Variants in TMTC1 observed in about 807,000 individuals in gnomAD.
TMTC1 encodes the protein transmembrane O-mannosyltransferase targeting cadherins 1, also known as protein O-mannosyl-transferase TMTC1.
Under a neutral mutation model 104.8 loss-of-function variants are expected in TMTC1, and 73 were observed. The ratio of observed to expected loss-of-function variants is 0.70; its 90% CI spans 0.58 to 0.85. The LOEUF (loss-of-function observed/expected upper bound fraction) is 0.85, where lower values mean the gene tolerates loss of function less well. Ranked by LOEUF, TMTC1 falls within the 40% of genes least tolerant of loss-of-function variation. The pLI is 0.00. For missense variants in TMTC1, 1,035 were observed against 1,096.1 expected (o/e 0.94, Z 0.79); for synonymous variants, 434 against 428.7 (o/e 1.01, Z -0.15).
In TMTC1 at chr12:29,520,605, T is replaced by G. The variant is rs769401197; in HGVS notation, c.1888+13A>C. 1.3e-6 allele frequency: 2 copies of G among 1,597,294 alleles called. No individual in the cohort carries two copies. Among genetic ancestry groups the G allele is most frequent in the Non-Finnish European group, 8.6e-7 (1 of 1,167,266 alleles). ...TAATCTCAGCAGTACAGTTTCTCTT[T>G]AATTTCACTTACCAGTATCAACTAA... On this transcript the variant is annotated intron_variant, in intron 12 of 17. Transcript: ENST00000539277.
intron 9 of TMTC1, among the ~76,000 whole-genome samples, chr12:29,565,196 C>T (rs1007721405): frequency 1.3e-5 from 2 of 152,142 alleles, no homozygotes; most frequent in Non-Finnish European, 2.9e-5. Context: ...AGGATTTTCT[C>T]TCCTTCCAGG....
chr12:29,783,502 C>A lies in TMTC1; in HGVS notation c.250G>T (p.Ala84Ser). 1 of 1,420,390 alleles carries A rather than the reference C, an allele frequency of 7.0e-7. No homozygotes were observed. Among genetic ancestry groups the A allele is most frequent in the Non-Finnish European group, 9.2e-7 (1 of 1,083,304 alleles). The allele number at this position is 1,420,390 out of a possible 1,614,324, so 88.0% of individuals were successfully genotyped here. A position where few individuals can be genotyped will look rare whatever the true frequency, so the allele number is the denominator to read the frequency against. The change falls in exon 1 of 18, where the codon GCC becomes TCC. Residue 84 changes from alanine (A) to serine (S), a missense_variant. Transcript: ENST00000539277. The surrounding 1 kb of genome is among the most constrained non-coding windows in gnomAD (Gnocchi z 4.7). ...FTNDFWGKGM[A>S]ENTSHKSYRP... is the part of the protein sequence containing the mutation. ...TAGGACTTGTGGCTGGTGTTCTCGG[C>A]CATGCCCTTGCCCCAGAAGTCGTTG...
At chr12:29,666,218 T>C (rs1940273032) in intron 5 of TMTC1, 1 of 416,598 alleles carries the variant, frequency 2.4e-6, no homozygotes, top group Non-Finnish European at 4.6e-6. Flanking sequence ...TCTTTCTTTT[T>C]TTCTTTTTTC....
At chr12:29,644,147 GTGTA>G (rs869124371) in intron 5 of TMTC1, among the ~76,000 whole-genome samples, 3,857 of 61,514 alleles carry the variant, frequency 0.063, 205 homozygotes, top group East Asian at 0.093. Flanking sequence ...GTGTGTGTGT[GTGTA>G]TATATATATA....
intron 5 of TMTC1, among the ~76,000 whole-genome samples, chr12:29,742,999 G>A (rs902271301): frequency 2.6e-5 from 4 of 152,276 alleles, no homozygotes; most frequent in East Asian, 1.9e-4. Context: ...ATTGGCTTTC[G>A]CATAAAATAA....
intron 11 of TMTC1, 148 bp from the exon 12 acceptor site, chr12:29,520,868 CTTTG>C (rs759268622): frequency 1.8e-4 from 111 of 629,042 alleles, no homozygotes; most frequent in Non-Finnish European, 2.8e-4. Flanking sequence ...GCACTATGAA[CTTTG>C]TTTGAATTAA....
chr12:29,573,133 A>T (rs2136303074), intron 8 of TMTC1, among the ~76,000 whole-genome samples: 1 of 152,188 alleles, frequency 6.6e-6, no homozygotes, highest in East Asian at 1.9e-4. Flanking sequence ...TGCTGTGTTG[A>T]AAGGAAAACA....
intron 5 of TMTC1, among the ~76,000 whole-genome samples, chr12:29,706,341 G>C (rs1449347275): frequency 6.6e-6 from 1 of 152,192 alleles, no homozygotes; most frequent in Non-Finnish European, 1.5e-5. Context: ...TAAAGGCAGA[G>C]ACAAGAGCAA....
At chr12:29,540,490 C>A (rs1453527275) in intron 10 of TMTC1, among the ~76,000 whole-genome samples, 1 of 152,184 alleles carries the variant, frequency 6.6e-6, no homozygotes, top group Admixed American at 6.5e-5. Context: ...AACTTCAAAT[C>A]TAGACCGTTC....
chr12:29,637,886 T>C (rs991701133), intron 5 of TMTC1, among the ~76,000 whole-genome samples: 2 of 152,214 alleles, frequency 1.3e-5, no homozygotes, highest in African/African-American at 2.4e-5. Context: ...TCATAGGATC[T>C]TTCTTTTACT....
chr12:29,601,708 G>A (rs543850756), intron 7 of TMTC1, among the ~76,000 whole-genome samples: 13 of 152,132 alleles, frequency 8.5e-5, no homozygotes, highest in Admixed American at 1.3e-4. Flanking sequence ...TCAGAGCCCA[G>A]GTTTTATTTT....
chr12:29,728,701 T>C (rs1942467580), intron 5 of TMTC1, among the ~76,000 whole-genome samples: 1 of 151,970 alleles, frequency 6.6e-6, no homozygotes, highest in African/African-American at 2.4e-5. Flanking sequence ...CGTGAAGGCT[T>C]AAAAAGCACT....
At chr12:29,633,119 G>A in intron 6 of TMTC1, 28 bp downstream of exon 6, 4 of 1,587,390 alleles carry the variant, frequency 2.5e-6, no homozygotes, top group Non-Finnish European at 3.4e-6. Context: ...TTCAAATGCA[G>A]AGTTCATTCT....
Position 29,751,658 on chromosome 12 carries a change from C to A in TMTC1, c.938+8G>T, listed in dbSNP as rs757458630. 3.1e-6 allele frequency: 5 copies of A among 1,613,924 alleles called. No homozygotes were observed. The highest frequency in any genetic ancestry group is 3.4e-6 in the Non-Finnish European group (4 of 1,179,996). On this transcript the variant is annotated splice_region_variant and intron_variant, in intron 5 of 17. Coordinates refer to ENST00000539277, the MANE Select transcript of TMTC1 (RefSeq NM_001193451.2). ...AACATGCAGGGACCAAGAAACCCAGCCCAGTACCTCATCATGGACCACACA... is the reference window on the plus strand; with the variant it reads ...AACATGCAGGGACCAAGAAACCCAGACCAGTACCTCATCATGGACCACACA...
intron 5 of TMTC1, among the ~76,000 whole-genome samples, chr12:29,643,458 G>GATATATATATATATCACATAT (rs1938972731): frequency 2.3e-5 from 2 of 85,944 alleles, no homozygotes; most frequent in African/African-American, 4.2e-5. Flanking sequence ...ACATATATAT[G>GATATATATATATATCACATAT]ATGGAATATA....
intron 6 of TMTC1, among the ~76,000 whole-genome samples, chr12:29,627,898 G>A (rs1235742045): frequency 6.6e-6 from 1 of 152,184 alleles, no homozygotes; most frequent in Non-Finnish European, 1.5e-5. Context: ...AACAGAAAAT[G>A]CAATTCCCAT....
intron 5 of TMTC1, among the ~76,000 whole-genome samples, chr12:29,723,915 G>A (rs1942308645): frequency 6.6e-6 from 1 of 152,132 alleles, no homozygotes; most frequent in Non-Finnish European, 1.5e-5. Flanking sequence ...GGGGGACTCA[G>A]GTAAAGTGAA....
At chr12:29,524,341 T>C (rs1944273834) in intron 11 of TMTC1, among the ~76,000 whole-genome samples, 3 of 152,222 alleles carry the variant, frequency 2.0e-5, no homozygotes, top group African/African-American at 7.2e-5. Context: ...AGTCTGTTTA[T>C]TAATACCCTA....
Position 29,767,904 on chromosome 12 carries a change from A to G in TMTC1, c.474T>C (p.Thr158=). The G allele has an allele frequency of 1.9e-6, 3 of 1,613,516 alleles. No homozygotes were observed. The highest frequency in any genetic ancestry group is 2.5e-6 in the Non-Finnish European group (3 of 1,179,748). Residue 158 remains threonine (T), a synonymous_variant, in exon 2 of 18, where the codon ACT becomes ACC. Transcript: ENST00000539277. ...GAGATCCAATTACACTTACCGCCTC[A>G]GTATGAATAGGATGTACAGCAAAAA... ...ALLFAVHPIH[T]EAVAGIVGRA...
Sources: gnomAD v4.1 joint callset for allele counts (sites outside exome capture counted in the v4.1 genomes callset) on GRCh38, gnomAD v4.1.1 for gene constraint, Gnocchi (gnomAD v3.1) non-coding constraint, MANE v1.5 for transcripts, NCBI Gene and HGNC (gene_info 2026-07-23, HGNC 2026-07-21) for gene names.